The following IGF2BP3 variants were observed in gnomAD, a reference collection of about 807,000 sequenced individuals.
The protein encoded by IGF2BP3 is insulin-like growth factor 2 mRNA-binding protein 3.
IGF2BP3 carries 9 observed loss-of-function variants against 73.8 expected under a neutral mutation model. The ratio of observed to expected loss-of-function variants is 0.12; its 90% CI spans 0.07 to 0.21. IGF2BP3 has a LOEUF of 0.21. Among genes scored for constraint, IGF2BP3 ranks in the 10% least tolerant of loss-of-function variants. IGF2BP3 has a pLI of 1.00. For synonymous variants in IGF2BP3, 258 were observed against 256.7 expected (o/e 1.01, Z -0.05); for missense variants, 542 against 714.0 (o/e 0.76, Z 2.75).
At chr7:23,463,044 G>A (rs771878201) in intron 2 of IGF2BP3, among the ~76,000 whole-genome samples, 1 of 152,134 alleles carries the variant, frequency 6.6e-6, no homozygotes, top group Non-Finnish European at 1.5e-5. Flanking sequence ...CCTGTCTTAT[G>A]ACTCTGGAAG....
chr7:23,381,375 G>A lies in IGF2BP3; in HGVS notation c.286-19634C>T, dbSNP rs74990060. Among the ~76,000 whole-genome samples the A allele has an allele frequency of 9.5e-4, 145 of 152,282 alleles. 1 individual carries two copies. The East Asian group carries it at 0.026, about 28-fold the overall frequency. ...GTGACTCTAAAGTCAGTGCTCAATA[G>A]GCTACACCCGTTTCTCAAAAAGTCA... On this transcript the variant is annotated intron_variant, in intron 3 of 14. Coordinates refer to ENST00000258729, the MANE Select transcript of IGF2BP3 (RefSeq NM_006547.3).
Position 23,428,858 on chromosome 7 carries a change from C to G in IGF2BP3, c.237-10034G>C, listed in dbSNP as rs140671918. Among the ~76,000 whole-genome samples, 5 of 152,072 alleles carry G rather than the reference C, an allele frequency of 3.3e-5. No homozygotes were observed. The East Asian group carries it at 9.7e-4, about 29-fold the overall frequency. ...GTATCATTATTAATTCAGAGTCATA[C>G]ATATTTTGCTTGTATCAATCTTTTT... On this transcript the variant is annotated intron_variant, in intron 2 of 14. Coordinates refer to ENST00000258729, the MANE Select transcript of IGF2BP3 (RefSeq NM_006547.3).
chr7:23,330,801 G>C (rs918131245), intron 10 of IGF2BP3, among the ~76,000 whole-genome samples: 5 of 152,042 alleles, frequency 3.3e-5, no homozygotes, highest in African/African-American at 4.8e-5. Flanking sequence ...GCTTTTTCTT[G>C]TTTTTTCTGA....
intron 12 of IGF2BP3, among the ~76,000 whole-genome samples, chr7:23,313,880 G>A (rs1181185957): frequency 6.6e-6 from 1 of 152,190 alleles, no homozygotes; most frequent in Admixed American, 6.5e-5. Context: ...GTGAAAGAAG[G>A]ATAAACCATA....
At chr7:23,451,873 G>A (rs1466135818) in intron 2 of IGF2BP3, among the ~76,000 whole-genome samples, 8 of 150,608 alleles carry the variant, frequency 5.3e-5, no homozygotes, top group African/African-American at 2.0e-4. Context: ...ACTTGAACAC[G>A]GGAGGCAGAG....
At chr7:23,351,703 A>G in intron 5 of IGF2BP3, 117 bp from the exon 6 acceptor site, 1 of 1,094,844 alleles carries the variant, frequency 9.1e-7, no homozygotes, top group Non-Finnish European at 1.3e-6. Context: ...TTCTGAGTGA[A>G]GCCCCAGCAC....
chr7:23,410,976 T>TAAGTTA (rs1786999232), intron 3 of IGF2BP3, among the ~76,000 whole-genome samples: 1 of 152,220 alleles, frequency 6.6e-6, no homozygotes, highest in South Asian at 2.1e-4. Context: ...GTTAATTCAG[T>TAAGTTA]ACCCGGCACA....
At chr7:23,371,397 C>A (rs570800647) in intron 3 of IGF2BP3, among the ~76,000 whole-genome samples, 1 of 152,182 alleles carries the variant, frequency 6.6e-6, no homozygotes, top group Non-Finnish European at 1.5e-5. Context: ...ATCTCAGGAA[C>A]TGTTCTTTTA....
chr7:23,356,568 AT>A (rs2128506559), intron 5 of IGF2BP3, among the ~76,000 whole-genome samples: 1 of 152,334 alleles, frequency 6.6e-6, no homozygotes, highest in South Asian at 2.1e-4. Flanking sequence ...GTCTCAAAAA[AT>A]AATACTAAAA....
intron 2 of IGF2BP3, among the ~76,000 whole-genome samples, chr7:23,463,817 ATTTGT>A (rs1788502989): frequency 6.6e-6 from 1 of 152,216 alleles, no homozygotes; most frequent in Admixed American, 6.5e-5. Flanking sequence ...AGATCTCTGA[ATTTGT>A]TTTGAGAAAA....
At chr7:23,383,675 C>A (rs923954565) in intron 3 of IGF2BP3, among the ~76,000 whole-genome samples, 2 of 152,100 alleles carry the variant, frequency 1.3e-5, no homozygotes, top group African/African-American at 2.4e-5. Context: ...CACAAGAAAT[C>A]GTACATTAAT....
At chr7:23,405,608 C>G (rs1786802862) in intron 3 of IGF2BP3, among the ~76,000 whole-genome samples, 1 of 152,140 alleles carries the variant, frequency 6.6e-6, no homozygotes, top group Admixed American at 6.5e-5. Context: ...CCTGTCAGAT[C>G]AGCAATGGCA....
chr7:23,429,741 C>T (rs1412030339), intron 2 of IGF2BP3, among the ~76,000 whole-genome samples: 2 of 152,146 alleles, frequency 1.3e-5, no homozygotes, highest in African/African-American at 4.8e-5. Context: ...ATGAGGAAAA[C>T]ACAACTACTC....
rs1165999962 is a variant in IGF2BP3, at chr7:23,347,661, T to C, written c.757A>G (p.Thr253Ala). ...SITILSTPEG[T>A]SAACKSILEI... ...AGAATAGACTTACAAGCCGCAGAGG[T>C]GCCTTCAGGAGTAGAGAGGATAGTA... The change falls in exon 7 of 15, where the codon ACC (threonine) becomes GCC (alanine). Residue 253 changes from threonine to alanine, a missense_variant. By Grantham distance (58) the Thr-to-Ala change is moderately conservative. Around this residue, in one of 2 missense-constraint regions of IGF2BP3, gnomAD observed 303 missense variants for 472.1 expected, o/e 0.64. Coordinates refer to ENST00000258729, the MANE Select transcript of IGF2BP3 (RefSeq NM_006547.3). 2 of 1,614,012 alleles carry C rather than the reference T, an allele frequency of 1.2e-6. No individual in the cohort carries two copies.
chr7:23,361,991 A>G (rs1785241621), intron 3 of IGF2BP3, among the ~76,000 whole-genome samples: 1 of 152,216 alleles, frequency 6.6e-6, no homozygotes, highest in Non-Finnish European at 1.5e-5. Context: ...TCAGAAAAGT[A>G]TGCAAAGCCA....
At chr7:23,454,782 T>C (rs538619634) in intron 2 of IGF2BP3, among the ~76,000 whole-genome samples, 24 of 152,290 alleles carry the variant, frequency 1.6e-4, no homozygotes, top group Non-Finnish European at 2.8e-4. Flanking sequence ...CACACAGAAG[T>C]GTCTATCACA....
At chr7:23,432,756 T>C (rs1200325786) in intron 2 of IGF2BP3, among the ~76,000 whole-genome samples, 2 of 152,072 alleles carry the variant, frequency 1.3e-5, no homozygotes, top group Non-Finnish European at 2.9e-5. Context: ...TCCTCCTGCC[T>C]CAGCCCCTCA....
intron 3 of IGF2BP3, among the ~76,000 whole-genome samples, chr7:23,409,507 T>C (rs1352060669): frequency 6.6e-6 from 1 of 152,134 alleles, no homozygotes; most frequent in Non-Finnish European, 1.5e-5. Context: ...CTTATAAAGA[T>C]ACCGTAACCA....
Position 23,415,387 on chromosome 7 carries a change from C to A in IGF2BP3, c.285+3389G>T, listed in dbSNP as rs1327303264. 10 of 222,692 alleles carry A rather than the reference C, an allele frequency of 4.5e-5. No homozygotes were observed. In the Admixed American group the frequency reaches 6.4e-4, roughly 14 times the overall value. 13.8% of individuals were successfully genotyped at this position (222,692 alleles called of 1,614,324 possible). ...CATCACCGCATCGCCAGGTCCCCCT[C>A]CATCAGTCGGCATCACCGCATCCGC... On this transcript the variant is annotated intron_variant, in intron 3 of 14. Transcript: ENST00000258729.
Sources: allele counts gnomAD v4.1 joint callset (sites outside exome capture counted in the v4.1 genomes callset), GRCh38; gene constraint gnomAD v4.1.1; regional missense constraint gnomAD v4.1.1; transcripts MANE v1.5; gene names NCBI Gene and HGNC (gene_info 2026-07-23, HGNC 2026-07-21).